NR3C2: variants seen among roughly 807,000 people sequenced by gnomAD.
NR3C2 encodes nuclear receptor subfamily 3 group C member 2, also known as mineralocorticoid receptor.
In NR3C2, 15 loss-of-function variants were observed where a neutral mutation model predicts 86.4. The ratio of observed to expected loss-of-function variants is 0.17; its 90% CI spans 0.12 to 0.27. The LOEUF is 0.27. Among genes scored for constraint, NR3C2 ranks in the 10% least tolerant of loss-of-function variants. The pLI is 1.00. For synonymous variants in NR3C2, 458 were observed against 450.5 expected, an observed-to-expected ratio of 1.02 and a Z score of -0.21; for missense variants, 960 against 1,195.6, an observed-to-expected ratio of 0.80 and a Z score of 2.91.
At chr4:148,153,693 T>C (rs959682330) in intron 5 of NR3C2, among the ~76,000 whole-genome samples, 2 of 151,474 alleles carry the variant, frequency 1.3e-5, no homozygotes, top group Non-Finnish European at 2.9e-5. Context: ...TTTCTGTAGA[T>C]TAAGAGGGGC....
At chr4:148,157,740 A>G (rs1440972424) in intron 4 of NR3C2, among the ~76,000 whole-genome samples, 2 of 152,246 alleles carry the variant, frequency 1.3e-5, no homozygotes, top group East Asian at 1.9e-4. Context: ...GACACCTTCT[A>G]CTTAATCCTA....
chr4:148,267,180 C>T (rs1184118279), intron 2 of NR3C2, among the ~76,000 whole-genome samples: 1 of 152,144 alleles, frequency 6.6e-6, no homozygotes, highest in Non-Finnish European at 1.5e-5. Context: ...TTACACGACT[C>T]AGTATATTCA....
In NR3C2 at chr4:148,158,880, T is replaced by C. The variant is rs976063770; in HGVS notation, c.2015-3979A>G. 2.6e-5 allele frequency among the ~76,000 whole-genome samples: 4 copies of C among 152,220 alleles called. No homozygotes were observed. The East Asian group carries it at 7.7e-4, about 29-fold the overall frequency. ...TTAGCATTTCAGGTACATTTAACTT[T>C]ATACTGTGATTTTGTGAATATATGT... On this transcript the variant is annotated intron_variant, in intron 4 of 8. Transcript: ENST00000358102.
At chr4:148,374,116 C>G (rs1416730752) in intron 2 of NR3C2, among the ~76,000 whole-genome samples, 1 of 152,172 alleles carries the variant, frequency 6.6e-6, no homozygotes, top group Non-Finnish European at 1.5e-5. Flanking sequence ...CATTTTTACT[C>G]ACATTCTCTC....
chr4:148,413,473 A>G (rs1392958001), intron 2 of NR3C2, among the ~76,000 whole-genome samples: 1 of 152,124 alleles, frequency 6.6e-6, no homozygotes, highest in Non-Finnish European at 1.5e-5. Context: ...AACCTTAAGC[A>G]GTAAAAATTG....
chr4:148,300,840 G>T (rs1054127586), intron 2 of NR3C2, among the ~76,000 whole-genome samples: 5 of 152,124 alleles, frequency 3.3e-5, no homozygotes, highest in Non-Finnish European at 7.4e-5. Flanking sequence ...CCAAAGTGTT[G>T]GGATTACAGG....
At chr4:148,395,024 T>C (rs1433938414) in intron 2 of NR3C2, among the ~76,000 whole-genome samples, 1 of 152,078 alleles carries the variant, frequency 6.6e-6, no homozygotes, top group Non-Finnish European at 1.5e-5. Context: ...AATAAACCTC[T>C]CTCTCATTCT....
At chr4:148,211,949 C>A (rs1400583052) in intron 3 of NR3C2, among the ~76,000 whole-genome samples, 1 of 152,164 alleles carries the variant, frequency 6.6e-6, no homozygotes, top group Non-Finnish European at 1.5e-5. Flanking sequence ...TCTTCTTTCC[C>A]TTCTGGAGAC....
intron 8 of NR3C2, 21 bp from the exon 9 acceptor site, chr4:148,081,520 G>A: frequency 6.2e-7 from 1 of 1,613,874 alleles, no homozygotes; most frequent in Non-Finnish European, 8.5e-7. Context: ...GACACAGGGG[G>A]CATGACACGG....
At chr4:148,432,188 A>G (rs1377958405) in intron 2 of NR3C2, among the ~76,000 whole-genome samples, 3 of 152,166 alleles carry the variant, frequency 2.0e-5, no homozygotes, top group African/African-American at 4.8e-5. Flanking sequence ...CTACTGTCAC[A>G]CTTAATAGAA....
chr4:148,316,938 A>G (rs1324812589), intron 2 of NR3C2, among the ~76,000 whole-genome samples: 1 of 151,926 alleles, frequency 6.6e-6, no homozygotes, highest in Non-Finnish European at 1.5e-5. Context: ...AGTAGCTGGG[A>G]TGACAGGCGC....
chr4:148,262,638 G>T (rs73855937), intron 2 of NR3C2, among the ~76,000 whole-genome samples: 4,657 of 152,134 alleles, frequency 0.031, 226 homozygotes, highest in African/African-American at 0.1. Flanking sequence ...GACATTATTT[G>T]GGATTAGGGT....
At chr4:148,130,124 T>G (rs1208708471) in intron 6 of NR3C2, among the ~76,000 whole-genome samples, 1 of 152,166 alleles carries the variant, frequency 6.6e-6, no homozygotes, top group Non-Finnish European at 1.5e-5. Flanking sequence ...GGGTAAAAAT[T>G]CTTTAATAAA....
At chr4:148,327,861 T>G (rs929534324) in intron 2 of NR3C2, among the ~76,000 whole-genome samples, 12 of 152,216 alleles carry the variant, frequency 7.9e-5, no homozygotes, top group African/African-American at 2.2e-4. Context: ...CTGACCTACA[T>G]GCAGGGCTAT....
intron 3 of NR3C2, among the ~76,000 whole-genome samples, chr4:148,235,262 T>TTATATATATATATATATATATATA (rs370271975): frequency 9.4e-4 from 135 of 143,710 alleles, no homozygotes; most frequent in Non-Finnish European, 1.7e-3. Context: ...TAAGTGGCAA[T>TTATATATATATATATATATATATA]TATATATATA....
chr4:148,259,248 A>T (rs1229898546), intron 3 of NR3C2, among the ~76,000 whole-genome samples: 1 of 152,228 alleles, frequency 6.6e-6, no homozygotes, highest in Non-Finnish European at 1.5e-5. Context: ...CAAAAATTCT[A>T]CACTTTCACC....
chr4:148,373,090 G>T (rs1746496880), intron 2 of NR3C2, among the ~76,000 whole-genome samples: 1 of 152,166 alleles, frequency 6.6e-6, no homozygotes, highest in African/African-American at 2.4e-5. Context: ...GCTATACTCT[G>T]ATTTCCTCCT....
At chr4:148,426,946 T>C (rs1749565842) in intron 2 of NR3C2, among the ~76,000 whole-genome samples, 1 of 151,318 alleles carries the variant, frequency 6.6e-6, no homozygotes. Context: ...GACCTCTTCA[T>C]TTCTTTTTCT....
chr4:148,357,583 A>C (rs1340005973), intron 2 of NR3C2, among the ~76,000 whole-genome samples: 1 of 152,330 alleles, frequency 6.6e-6, no homozygotes, highest in Admixed American at 6.5e-5. Flanking sequence ...TTTCTGTGAT[A>C]TCGAAAACTT....
Sources: allele counts gnomAD v4.1 joint callset (sites outside exome capture counted in the v4.1 genomes callset), GRCh38; gene constraint gnomAD v4.1.1; transcripts MANE v1.5; gene names NCBI Gene and HGNC (gene_info 2026-07-23, HGNC 2026-07-21).